Variants in TAFA2 observed in about 807,000 individuals in gnomAD.
TAFA2 encodes TAFA chemokine like family member 2.
Under a neutral mutation model 18.8 loss-of-function variants are expected in TAFA2, and 7 were observed. The ratio of observed to expected loss-of-function variants is 0.37; its 90% CI spans 0.21 to 0.70. The LOEUF is 0.70. Ranked by LOEUF, TAFA2 falls within the 30% of genes least tolerant of loss-of-function variation. TAFA2 has a pLI of 0.53. For synonymous variants in TAFA2, 60 were observed against 54.2 expected (o/e 1.11, Z -0.47); for missense variants, 122 against 158.1 (o/e 0.77, Z 1.23).
upstream of TAFA2, among the ~76,000 whole-genome samples, chr12:62,193,811 A>AT (rs2062637359): frequency 6.6e-6 from 1 of 152,202 alleles, no homozygotes; most frequent in South Asian, 2.1e-4. Context: ...GTTATTATTA[A>AT]ACACCCTTCC....
chr12:61,720,975 G>C (rs915081391), intron 4 of TAFA2: 48 of 513,198 alleles, frequency 9.4e-5, no homozygotes, highest in Admixed American at 4.3e-4. Flanking sequence ...GATTATTACA[G>C]AAAGCAAACC....
At chr12:61,885,808 T>C (rs11174213) in intron 1 of TAFA2, among the ~76,000 whole-genome samples, 1,848 of 152,292 alleles carry the variant, frequency 0.012, 35 homozygotes, top group African/African-American at 0.042. Context: ...AGTGTCGGTG[T>C]TACATCATGG....
chr12:62,235,512 A>C (rs2062832898), intron 1 of TAFA2: 2 of 536,854 alleles, frequency 3.7e-6, no homozygotes, highest in African/African-American at 3.9e-5. Flanking sequence ...GGTCGGCTGT[A>C]CATGAAGACT....
intron 1 of TAFA2, among the ~76,000 whole-genome samples, chr12:62,008,550 C>T (rs924588218): frequency 3.3e-5 from 5 of 152,090 alleles, no homozygotes; most frequent in African/African-American, 1.2e-4. Flanking sequence ...AACATAACAT[C>T]TTCTAAGTCT....
chr12:62,118,313 A>G (rs1024865908), intron 1 of TAFA2, among the ~76,000 whole-genome samples: 3 of 152,086 alleles, frequency 2.0e-5, no homozygotes, highest in East Asian at 1.9e-4. Context: ...GCTGTACTTC[A>G]TTCATTTTAC....
intron 1 of TAFA2, among the ~76,000 whole-genome samples, chr12:61,979,374 A>C (rs1879550546): frequency 6.6e-6 from 1 of 152,168 alleles, no homozygotes; most frequent in Non-Finnish European, 1.5e-5. Context: ...TTTTAAAATC[A>C]GGCCACAGAA....
intron 1 of TAFA2, among the ~76,000 whole-genome samples, chr12:62,092,978 T>TATC (rs1868784666): frequency 6.6e-6 from 1 of 152,040 alleles, no homozygotes; most frequent in African/African-American, 2.4e-5. Context: ...CAAATTTACA[T>TATC]ATCAGCGAAG....
chr12:61,741,574 C>A (rs1592358208), intron 4 of TAFA2, among the ~76,000 whole-genome samples: 1 of 152,040 alleles, frequency 6.6e-6, no homozygotes, highest in South Asian at 2.1e-4. Flanking sequence ...AATGGCATCA[C>A]AATCTGGTAT....
chr12:61,803,118 T>C (rs1871465379), intron 2 of TAFA2, among the ~76,000 whole-genome samples: 1 of 151,978 alleles, frequency 6.6e-6, no homozygotes, highest in Non-Finnish European at 1.5e-5. Flanking sequence ...CTGTGGAGCA[T>C]AGATCTGACC....
rs576549580 is a variant in TAFA2 at position 62,030,309 on chromosome 12, C to T, written c.-2+160950G>A. 6.6e-5 allele frequency among the ~76,000 whole-genome samples: 10 copies of T among 152,110 alleles called. No homozygotes were observed. The South Asian group carries it at 2.1e-3, about 32-fold the overall frequency. ...TCATGGAGAAGTGGAATCCTAGGAA[C>T]TGGGAGTGTGTAAGAAGGATCATCT... is the stretch of plus-strand genomic sequence containing the variant. On this transcript the variant is annotated intron_variant, in intron 1 of 4. Coordinates refer to ENST00000416284, the MANE Select transcript of TAFA2 (RefSeq NM_178539.5).
intron 1 of TAFA2, among the ~76,000 whole-genome samples, chr12:62,230,182 AT>A (rs58892977): frequency 1.1e-4 from 14 of 125,146 alleles, no homozygotes; most frequent in South Asian, 9.4e-4. Flanking sequence ...CTTTTAATTG[AT>A]TTTTTTTGGT....
intron 1 of TAFA2, among the ~76,000 whole-genome samples, chr12:62,077,729 G>C (rs1210865007): frequency 6.6e-6 from 1 of 152,072 alleles, no homozygotes; most frequent in Non-Finnish European, 1.5e-5. Flanking sequence ...TGCCCCCAGA[G>C]TTCTTTTCTT....
At chr12:61,764,975 T>A (rs778705251) in intron 2 of TAFA2, among the ~76,000 whole-genome samples, 1 of 152,062 alleles carries the variant, frequency 6.6e-6, no homozygotes, top group Admixed American at 6.6e-5. Context: ...TATAGGACAG[T>A]GGATTGGCTG....
chr12:62,026,527 T>G (rs911948297), intron 1 of TAFA2, among the ~76,000 whole-genome samples: 2 of 152,144 alleles, frequency 1.3e-5, no homozygotes, highest in African/African-American at 4.8e-5. Context: ...CAGCTCAACT[T>G]GACCTTTCAT....
chr12:62,042,260 A>G lies in TAFA2; in HGVS notation c.-2+148999T>C, dbSNP rs1188489630. Among the ~76,000 whole-genome samples, 3 of 152,108 alleles carry G rather than the reference A, an allele frequency of 2.0e-5. 1 individual carries two copies. The highest frequency in any genetic ancestry group is 7.2e-5 in the African/African-American group (3 of 41,500). ...CAGTGTCTAGGTCAATCCTGATCTC[A>G]TGGAGGAACACTGTTAACAGTTCTA... On this transcript the variant is annotated intron_variant, in intron 1 of 4. Transcript: ENST00000416284.
chr12:62,140,899 G>A (rs940895761), intron 1 of TAFA2, among the ~76,000 whole-genome samples: 1 of 152,126 alleles, frequency 6.6e-6, no homozygotes, highest in South Asian at 2.1e-4. Context: ...AAACAGCCTT[G>A]ACTGTAGAGA....
intron 1 of TAFA2, among the ~76,000 whole-genome samples, chr12:62,224,580 A>C (rs560789614): frequency 2.6e-5 from 4 of 152,156 alleles, no homozygotes; most frequent in Non-Finnish European, 5.9e-5. Context: ...TAATACCATC[A>C]CATTGAGCAT....
intron 1 of TAFA2, among the ~76,000 whole-genome samples, chr12:61,874,772 C>T (rs189383209): frequency 5.9e-5 from 9 of 152,226 alleles, no homozygotes; most frequent in East Asian, 5.8e-4. Flanking sequence ...CAATCATTTA[C>T]GATTTTTCAG....
At chr12:62,157,856 G>A (rs2062382234) in intron 1 of TAFA2, among the ~76,000 whole-genome samples, 1 of 152,108 alleles carries the variant, frequency 6.6e-6, no homozygotes, top group Admixed American at 6.5e-5. Flanking sequence ...TCTTCCCGCT[G>A]ATTAGACTAT....
Sources: allele counts gnomAD v4.1 joint callset (sites outside exome capture counted in the v4.1 genomes callset), GRCh38; gene constraint gnomAD v4.1.1; transcripts MANE v1.5; gene names NCBI Gene and HGNC (gene_info 2026-07-23, HGNC 2026-07-21).